JAG2: variants seen among roughly 807,000 people sequenced by gnomAD.
The protein encoded by JAG2 is protein jagged-2.
Under a neutral mutation model 141.7 loss-of-function variants are expected in JAG2, and 46 were observed. That is an observed-to-expected ratio of 0.32 (90% CI 0.26 to 0.42). The LOEUF (loss-of-function observed/expected upper bound fraction) is 0.42. Ranked by LOEUF, JAG2 falls within the 10% of genes least tolerant of loss-of-function variation. JAG2 has a pLI of 1.00. For synonymous variants in JAG2, 862 were observed against 763.5 expected (o/e 1.13, Z -2.13); for missense variants, 1,500 against 1,817.5 (o/e 0.83, Z 3.18).
chr14:105,146,137 G>C (rs1213023457), intron 22 of JAG2, among the ~76,000 whole-genome samples, 164 bp from the exon 23 acceptor site: 2 of 152,074 alleles, frequency 1.3e-5, no homozygotes, highest in East Asian at 3.9e-4. Context: ...AGGGCTCCCA[G>C]GGAGGCAGGC....
Position 105,142,682 on chromosome 14 carries a change from C to G in JAG2, c.*13G>C. On this transcript the variant is annotated 3_prime_UTR_variant, in exon 26 of 26. Coordinates refer to ENST00000331782, the MANE Select transcript of JAG2 (RefSeq NM_002226.5). ...CCGAGGGCCCTGGGTCCCGGCCCAG[C>G]TGGCAGCCGCCCCTACTCCTTGCCG... The G allele has an allele frequency of 6.3e-7, 1 of 1,584,294 alleles. No homozygotes were observed. The highest frequency in any genetic ancestry group is 8.6e-7 in the Non-Finnish European group (1 of 1,165,252).
In JAG2 at chr14:105,167,845, G is replaced by C; in HGVS notation, c.329C>G (p.Ala110Gly). ...CCGCGCCCGCGCTCGGTCCCCCGCA[G>C]CGCCCGCCGGCGGCAGGTAGAAGGA... ...GNSFYLPPAG[A>G]AGDRARARAR... Residue 110 changes from alanine (A) to glycine (G), a missense_variant, in exon 2 of 26, where the codon GCT becomes GGT. Transcript: ENST00000331782. The surrounding 1 kb of genome is among the most constrained non-coding windows in gnomAD (Gnocchi z 4.8). 1 of 1,516,338 alleles carries C rather than the reference G, an allele frequency of 6.6e-7. No homozygotes were observed. Among genetic ancestry groups the C allele is most frequent in the South Asian group, 1.2e-5 (1 of 81,694 alleles). The allele number at this position is 1,516,338 out of a possible 1,614,324, so 93.9% of individuals were successfully genotyped here.
intron 2 of JAG2, among the ~76,000 whole-genome samples, chr14:105,161,713 C>T (rs945585893): frequency 3.9e-5 from 6 of 152,156 alleles, no homozygotes; most frequent in Admixed American, 3.9e-4. Flanking sequence ...GCCTCCAGGA[C>T]TTATTTGCCT....
chr14:105,151,161 C>T, intron 9 of JAG2, 57 bp from the exon 10 acceptor site: 1 of 1,540,238 alleles, frequency 6.5e-7, no homozygotes, highest in South Asian at 1.2e-5. Context: ...CCCCCTGCAG[C>T]ACGGGCACCT....
In JAG2 at chr14:105,145,750, T is replaced by C. The variant is rs976541906; in HGVS notation, c.2933A>G (p.Asn978Ser). Reference sequence around the variant, plus strand: ...CCTCACCTGGGGCACGTGGTCACGGTTGAAATGCAAGGTGAGGCGGGCACA... The same window carrying C: ...CCTCACCTGGGGCACGTGGTCACGGCTGAAATGCAAGGTGAGGCGGGCACA... The part of the protein sequence containing the change: ...NNCARLTLHF[N>S]RDHVPQGTTV... Residue 978 changes from asparagine (N) to serine (S), a missense_variant, in exon 23 of 26, where the codon AAC (asparagine) becomes AGC (serine). Asn to Ser is a conservative substitution (Grantham distance 46, BLOSUM62 1). Coordinates refer to ENST00000331782, the MANE Select transcript of JAG2 (RefSeq NM_002226.5). The C allele has an allele frequency of 8.8e-6, 14 of 1,596,830 alleles. No homozygotes were observed. The highest frequency in any genetic ancestry group is 3.4e-5 in the South Asian group (3 of 88,118).
intron 23 of JAG2, 98 bp from the exon 24 acceptor site, chr14:105,145,159 C>A: frequency 6.6e-7 from 1 of 1,513,002 alleles, no homozygotes; most frequent in Non-Finnish European, 9.0e-7. Context: ...ACACACCCTA[C>A]AGCCCGCCCA....
intron 15 of JAG2, 54 bp downstream of exon 15, chr14:105,148,691 G>A: frequency 7.0e-7 from 1 of 1,434,442 alleles, no homozygotes; most frequent in Non-Finnish European, 9.5e-7. Flanking sequence ...AGGGTGATAA[G>A]GGGCCCACAG....
At position 105,167,398 on chromosome 14, in the gene JAG2, G is replaced by A. The variant is rs1184377484; in HGVS notation, c.417+359C>T. 6.6e-6 allele frequency among the ~76,000 whole-genome samples: 1 copy of A among 152,014 alleles called. No homozygotes were observed. The highest frequency in any genetic ancestry group is 6.5e-5 in the Admixed American group (1 of 15,274). On this transcript the variant is annotated intron_variant, in intron 2 of 25. Coordinates refer to ENST00000331782, the MANE Select transcript of JAG2 (RefSeq NM_002226.5). This position sits in a 1 kb window ranked among gnomAD's most constrained non-coding sequence, Gnocchi z 4.8. ...GCCTGCCCTAGACCAGCCCCAGCACGCGCTGCGCACATGCCACCGCGGCCT... is the reference window on the plus strand; with the variant it reads ...GCCTGCCCTAGACCAGCCCCAGCACACGCTGCGCACATGCCACCGCGGCCT...
At chr14:105,164,210 G>A (rs1205415591) in intron 2 of JAG2, among the ~76,000 whole-genome samples, 1 of 152,104 alleles carries the variant, frequency 6.6e-6, no homozygotes, top group Non-Finnish European at 1.5e-5. Flanking sequence ...CCTGGCCAAG[G>A]GCAGTCCTCC....
intron 22 of JAG2, 134 bp downstream of exon 22, chr14:105,146,251 C>T (rs1888219456): frequency 2.3e-6 from 2 of 857,376 alleles, no homozygotes; most frequent in Non-Finnish European, 3.8e-6. Flanking sequence ...GCTCTCGCCT[C>T]CCTGGGTGTC....
At chr14:105,155,146 C>T (rs587626929) in intron 5 of JAG2, among the ~76,000 whole-genome samples, 368 of 151,944 alleles carry the variant, frequency 2.4e-3, no homozygotes, top group Admixed American at 4.3e-3. Flanking sequence ...CCTGGTCCTG[C>T]AGGCCTCAGC....
At position 105,167,211 on chromosome 14, in the gene JAG2, T is replaced by G. The variant is rs982140844; in HGVS notation, c.417+546A>C. 3.9e-5 allele frequency among the ~76,000 whole-genome samples: 6 copies of G among 152,212 alleles called. No individual in the cohort carries two copies. The highest frequency in any genetic ancestry group is 1.2e-4 in the African/African-American group (5 of 41,470). ...CACCAGGATCCACTATCTCTGTCTC[T>G]GAACGATCTTGGGTCACCATCGGGG... On this transcript the variant is annotated intron_variant, in intron 2 of 25. Coordinates refer to ENST00000331782, the MANE Select transcript of JAG2 (RefSeq NM_002226.5). This position sits in a 1 kb window ranked among gnomAD's most constrained non-coding sequence, Gnocchi z 4.8.
intron 4 of JAG2, 40 bp from the exon 5 acceptor site, chr14:105,155,662 C>A (rs1888558313): frequency 1.2e-6 from 2 of 1,612,266 alleles, no homozygotes; most frequent in East Asian, 4.5e-5. Context: ...CTGCAGCCAG[C>A]CTGGCCGCAA....
At chr14:105,158,625 A>G (rs1281541498) in intron 2 of JAG2, among the ~76,000 whole-genome samples, 1 of 151,986 alleles carries the variant, frequency 6.6e-6, no homozygotes, top group African/African-American at 2.4e-5. Flanking sequence ...CCCCCGGGAC[A>G]TGCCCTGTAC....
intron 2 of JAG2, among the ~76,000 whole-genome samples, chr14:105,159,241 G>A (rs941864737): frequency 1.1e-4 from 17 of 150,008 alleles, no homozygotes; most frequent in South Asian, 2.2e-4. Context: ...CCCCGCCCCC[G>A]AGCCCCTGCC....
At position 105,152,236 on chromosome 14, in the gene JAG2, A is replaced by G; in HGVS notation, c.844T>C (p.Cys282Arg). The G allele has an allele frequency of 6.2e-7, 1 of 1,613,544 alleles. No homozygotes were observed. The highest frequency in any genetic ancestry group is 8.5e-7 in the Non-Finnish European group (1 of 1,180,014). The change falls in exon 6 of 26, where the codon TGC becomes CGC. Residue 282 changes from cysteine to arginine, a missense_variant. By Grantham distance (180) the Cys-to-Arg change is radical. Transcript: ENST00000331782. ...GGCTCCACACAACTGCCATGCACGC[A>G]GCCGGGGTAGGGGACACACTCATCG... ...FCDECVPYPG[C>R]VHGSCVEPWQ...
At chr14:105,152,137 A>G in intron 6 of JAG2, 24 bp downstream of exon 6, 2 of 1,613,580 alleles carry the variant, frequency 1.2e-6, no homozygotes, top group Non-Finnish European at 1.7e-6. Flanking sequence ...GCAGAGCATT[A>G]GGCCTGCCGC....
chr14:105,160,465 G>A (rs1268315765), intron 2 of JAG2, among the ~76,000 whole-genome samples: 1 of 150,906 alleles, frequency 6.6e-6, no homozygotes, highest in African/African-American at 2.4e-5. Context: ...TCCTTCCTTC[G>A]TTCACATCAA....
intron 5 of JAG2, among the ~76,000 whole-genome samples, chr14:105,152,615 T>G (rs1888471262): frequency 1.3e-5 from 2 of 151,724 alleles, no homozygotes; most frequent in South Asian, 4.2e-4. Flanking sequence ...GGGATGAGAA[T>G]GCCGGCTCGG....
Sources: gnomAD v4.1 joint callset for allele counts (sites outside exome capture counted in the v4.1 genomes callset) on GRCh38, gnomAD v4.1.1 for gene constraint, Gnocchi (gnomAD v3.1) non-coding constraint, MANE v1.5 for transcripts, NCBI Gene and HGNC (gene_info 2026-07-23, HGNC 2026-07-21) for gene names.